The following PASK variants were observed in gnomAD, a reference collection of about 807,000 sequenced individuals.
The protein encoded by PASK is PAS domain containing serine/threonine kinase.
In PASK, 110 loss-of-function variants were observed where a neutral mutation model predicts 121.0. That is an observed-to-expected ratio of 0.91 (90% CI 0.78 to 1.06). The LOEUF (loss-of-function observed/expected upper bound fraction) is 1.06, where lower values mean the gene tolerates loss of function less well. PASK is among the 50% of genes least tolerant of loss of function. The pLI, the probability that PASK is intolerant of heterozygous loss-of-function variation, is 0.00. For synonymous variants in PASK, 686 were observed against 717.8 expected (o/e 0.96, Z 0.71); for missense variants, 1,643 against 1,702.3 (o/e 0.97, Z 0.61).
At position 241,140,571 on chromosome 2, in the gene PASK, C is replaced by G. The variant is rs769557555; in HGVS notation, c.379G>C (p.Val127Leu). The G allele has an allele frequency of 1.2e-6, 2 of 1,614,128 alleles. No homozygotes were observed. Among genetic ancestry groups the G allele is most frequent in the East Asian group, 4.5e-5 (2 of 44,886 alleles). The change falls in exon 3 of 18, where the codon GTG becomes CTG. Residue 127 changes from valine to leucine, a missense_variant. By Grantham distance (32) the Val-to-Leu change is conservative. Coordinates refer to ENST00000234040, the MANE Select transcript of PASK (RefSeq NM_015148.4). ...AAGATGGCCTTGTTAGGGTTGCACA[C>G]AGGGGCCGGAAGCAGAGGTGAGGAC... is the stretch of plus-strand genomic sequence containing the variant. ...GWSSPLLPAP[V>L]CNPNKAIFTV... is the part of the protein sequence containing the mutation.
At chr2:241,118,998 G>C (rs1182617479) in intron 12 of PASK, 2 of 963,518 alleles carry the variant, frequency 2.1e-6, no homozygotes, top group Non-Finnish European at 2.5e-6. Context: ...TGTCAGGCTG[G>C]GCCTTGCGCC....
intron 12 of PASK, among the ~76,000 whole-genome samples, 193 bp downstream of exon 12, chr2:241,122,539 C>T (rs2065659500): frequency 6.6e-6 from 1 of 152,214 alleles, no homozygotes; most frequent in African/African-American, 2.4e-5. Flanking sequence ...ACGGGATCAG[C>T]AACCCTGGAT....
At chr2:241,111,487 A>G (rs1312575985) in intron 15 of PASK, among the ~76,000 whole-genome samples, 1 of 152,200 alleles carries the variant, frequency 6.6e-6, no homozygotes, top group Non-Finnish European at 1.5e-5. Context: ...AGTCTATTTC[A>G]TACACATAGA....
Position 241,112,688 on chromosome 2 carries a change from G to A in PASK, c.3334-249C>T, listed in dbSNP as rs1224306964. On this transcript the variant is annotated intron_variant, in intron 14 of 17. Coordinates refer to ENST00000234040, the MANE Select transcript of PASK (RefSeq NM_015148.4). This position sits in a 1 kb window ranked among gnomAD's most constrained non-coding sequence, Gnocchi z 5.2. ...CAAGGTGGCAACATCAATGAGACTC[G>A]TGAGTTCTGTTTGCTGCTGAGAAAA... 14 of 465,854 alleles carry A rather than the reference G, an allele frequency of 3.0e-5. No homozygotes were observed. The highest frequency in any genetic ancestry group is 1.7e-4 in the South Asian group (8 of 45,816). 28.9% of individuals were successfully genotyped at this position (465,854 alleles called of 1,614,324 possible).
chr2:241,125,724 A>G (rs1470683942), intron 10 of PASK, among the ~76,000 whole-genome samples: 8 of 152,182 alleles, frequency 5.3e-5, no homozygotes, highest in Admixed American at 4.6e-4. Context: ...GGTTTTTCAG[A>G]GATCAGGGCA....
intron 11 of PASK, among the ~76,000 whole-genome samples, chr2:241,123,188 T>C (rs1181283878): frequency 1.3e-5 from 2 of 151,388 alleles, no homozygotes; most frequent in Non-Finnish European, 3.0e-5. Flanking sequence ...TTTTTTTTTT[T>C]TTTTTTAGAC....
chr2:241,140,876 G>C, intron 2 of PASK, 123 bp from the exon 3 acceptor site: 1 of 723,064 alleles, frequency 1.4e-6, no homozygotes. Flanking sequence ...GATTAAGTCA[G>C]TCTGCACAGC....
chr2:241,147,983 G>A (rs1415460034), intron 1 of PASK, among the ~76,000 whole-genome samples: 1 of 152,144 alleles, frequency 6.6e-6, no homozygotes, highest in African/African-American at 2.4e-5. Context: ...GGAGCCTCCC[G>A]TGCACTCCAC....
intron 1 of PASK, among the ~76,000 whole-genome samples, chr2:241,148,706 G>A (rs889177614): frequency 1.3e-5 from 2 of 152,246 alleles, no homozygotes; most frequent in African/African-American, 4.8e-5. Flanking sequence ...CCATGTCGGT[G>A]CAAGGCTGGA....
At chr2:241,139,104 T>C (rs1209075519) in intron 4 of PASK, among the ~76,000 whole-genome samples, 1 of 152,226 alleles carries the variant, frequency 6.6e-6, no homozygotes, top group Non-Finnish European at 1.5e-5. Context: ...AATATCTTAG[T>C]TTTTTTCTTC....
In PASK at chr2:241,124,042, G is replaced by C. The variant is rs200236190; in HGVS notation, c.2811C>G (p.Arg937=). 2 of 1,613,608 alleles carry C rather than the reference G, an allele frequency of 1.2e-6. No homozygotes were observed. The highest frequency in any genetic ancestry group is 4.5e-5 in the East Asian group (2 of 44,862). The change falls in exon 11 of 18, where the codon CGC becomes CGG. Residue 937 remains arginine (R), a synonymous_variant. Coordinates refer to ENST00000234040, the MANE Select transcript of PASK (RefSeq NM_015148.4). ...ACAGGCGGGTCCTGGCGGCTGAGTC[G>C]CGTTGGCTGTGGAGGAGGTCTTTCA... ...WLVKDLLHSQ[R]DSAARTRLFL...
chr2:241,114,436 G>A (rs781731339), intron 14 of PASK: 46 of 993,838 alleles, frequency 4.6e-5, no homozygotes, highest in Non-Finnish European at 5.4e-5. Flanking sequence ...GTACAGGATG[G>A]AACCGCCACC....
intron 15 of PASK, among the ~76,000 whole-genome samples, chr2:241,110,197 G>C (rs1320564284): frequency 6.6e-6 from 1 of 152,250 alleles, no homozygotes; most frequent in Non-Finnish European, 1.5e-5. Context: ...AAATAAGCCA[G>C]TCACCAAAAG....
At position 241,124,597 on chromosome 2, in the gene PASK, C is replaced by T. The variant is rs184183637; in HGVS notation, c.2720-464G>A. Among the ~76,000 whole-genome samples the T allele has an allele frequency of 5.3e-3, 812 of 152,360 alleles. 6 individuals are homozygous for T. Among genetic ancestry groups the T allele is most frequent in the African/African-American group, 0.018 (744 of 41,584 alleles). On this transcript the variant is annotated intron_variant, in intron 10 of 17. Coordinates refer to ENST00000234040, the MANE Select transcript of PASK (RefSeq NM_015148.4). ...TGTACCTACTCTACTCACTAACAGC[C>T]ATATTCAATTCCATACCCACTTACA... is the stretch of plus-strand genomic sequence containing the variant.
At chr2:241,132,754 T>C in intron 9 of PASK, 120 bp downstream of exon 9, 1 of 853,850 alleles carries the variant, frequency 1.2e-6, no homozygotes, top group Non-Finnish European at 2.0e-6. Context: ...GCTCAACACA[T>C]GTGAGTTTTC....
intron 12 of PASK, among the ~76,000 whole-genome samples, chr2:241,116,539 G>A (rs1383001069): frequency 6.6e-6 from 1 of 152,190 alleles, no homozygotes; most frequent in East Asian, 1.9e-4. Flanking sequence ...GAAGAAGCCA[G>A]AAAACTAGAA....
At chr2:241,118,877 G>C (rs1177928842) in intron 12 of PASK, 1 of 1,000,036 alleles carries the variant, frequency 1.0e-6, no homozygotes, top group African/African-American at 1.7e-5. Context: ...ACTTCCCGCA[G>C]CTCCTGGACC....
intron 5 of PASK, 72 bp downstream of exon 5, chr2:241,138,582 C>A: frequency 2.0e-6 from 3 of 1,536,430 alleles, no homozygotes; most frequent in Non-Finnish European, 2.7e-6. Flanking sequence ...AGACAGGGAC[C>A]AGCACTTGCT....
chr2:241,134,079 A>C (rs1468988623), intron 8 of PASK: 1 of 152,072 alleles, frequency 6.6e-6, no homozygotes, highest in Non-Finnish European at 1.5e-5. Context: ...GGTTCGGCAT[A>C]ACTTCTCCAA....
Sources: gnomAD v4.1 joint callset for allele counts (sites outside exome capture counted in the v4.1 genomes callset) on GRCh38, gnomAD v4.1.1 for gene constraint, Gnocchi (gnomAD v3.1) non-coding constraint, MANE v1.5 for transcripts, NCBI Gene and HGNC (gene_info 2026-07-23, HGNC 2026-07-21) for gene names.